The following FDFT1 variants were observed in gnomAD, a reference collection of about 807,000 sequenced individuals.
The protein encoded by FDFT1 is squalene synthase.
A neutral mutation model predicts 46.8 loss-of-function variants in FDFT1; 68 were observed. The observed-to-expected ratio is 1.45, with a 90% CI of 1.19 to 1.78. The LOEUF (loss-of-function observed/expected upper bound fraction) is 1.78, where lower values mean the gene tolerates loss of function less well. Ranked by LOEUF, FDFT1 falls within the 40% of genes most tolerant of loss-of-function variation. The probability of loss-of-function intolerance (pLI) is 0.00; values close to 1 mark genes in which losing one functional copy is unlikely to be tolerated. For synonymous variants in FDFT1, 351 were observed against 185.1 expected, an observed-to-expected ratio of 1.90 and a Z score of -7.28; for missense variants, 928 against 524.4, an observed-to-expected ratio of 1.77 and a Z score of -7.52.
intron 4 of FDFT1, among the ~76,000 whole-genome samples, chr8:11,824,807 CTCCCTG>C (rs1809740462): frequency 6.6e-6 from 1 of 152,084 alleles, no homozygotes. Context: ...GCGATCTCGG[CTCCCTG>C]CAAGCTCCAC....
chr8:11,813,399 C>T (rs1808004505), intron 3 of FDFT1, among the ~76,000 whole-genome samples: 1 of 152,118 alleles, frequency 6.6e-6, no homozygotes, highest in Non-Finnish European at 1.5e-5. Context: ...CGTTAATTTA[C>T]TCTTTGTGTT....
intron 6 of FDFT1, among the ~76,000 whole-genome samples, chr8:11,830,891 T>C (rs1320438103): frequency 1.3e-5 from 2 of 152,260 alleles, no homozygotes; most frequent in Admixed American, 6.5e-5. Context: ...CTTTACCAAG[T>C]ATTGCAGATA....
Position 11,809,107 on chromosome 8 carries a change from A to AGGGGGGAG in FDFT1, c.197+221_197+228dup, listed in dbSNP as rs1807344696. 10 of 1,263,624 alleles carry AGGGGGGAG rather than the reference A, an allele frequency of 7.9e-6. No individual in the cohort carries two copies. In the South Asian group the frequency reaches 2.2e-4, roughly 27 times the overall value. The allele number at this position is 1,263,624 out of a possible 1,614,324, so 78.3% of individuals were successfully genotyped here. ...CTGCGGGCCCAGCCTTTCAGAGAAG[A>AGGGGGGAG]GGGGGGAGGGGGTGATGTTTATTAA... On this transcript the variant is annotated intron_variant, in intron 2 of 7. Coordinates refer to ENST00000220584, the MANE Select transcript of FDFT1 (RefSeq NM_004462.5).
intron 5 of FDFT1, among the ~76,000 whole-genome samples, chr8:11,827,944 A>G (rs1736065): frequency 0.19 from 29,202 of 151,834 alleles, 3,270 homozygotes; most frequent in Middle Eastern, 0.27. Context: ...ACTCCTGCCT[A>G]TAATCCCAGC....
intron 2 of FDFT1, 180 bp from the exon 3 acceptor site, chr8:11,809,487 T>C (rs1807397283): frequency 7.5e-7 from 1 of 1,331,004 alleles, no homozygotes; most frequent in East Asian, 2.8e-5. Context: ...TTCATTACTC[T>C]CATGTAAGGA....
intron 7 of FDFT1, among the ~76,000 whole-genome samples, chr8:11,836,668 A>C (rs2130911724): frequency 6.6e-6 from 1 of 152,266 alleles, no homozygotes; most frequent in East Asian, 1.9e-4. Flanking sequence ...CAGTAAAGCA[A>C]CATGGGCAGG....
intron 3 of FDFT1, among the ~76,000 whole-genome samples, chr8:11,819,630 T>A (rs892346709): frequency 1.3e-5 from 2 of 152,068 alleles, no homozygotes; most frequent in Admixed American, 6.5e-5. Context: ...TTCTGCTTGA[T>A]CGAATCGGCT....
intron 3 of FDFT1, among the ~76,000 whole-genome samples, chr8:11,816,502 A>G (rs191721445): frequency 0.01 from 1,590 of 152,328 alleles, 6 homozygotes; most frequent in Non-Finnish European, 0.017. Flanking sequence ...ATCCATGAGC[A>G]TGGAATGTTC....
intron 4 of FDFT1, among the ~76,000 whole-genome samples, chr8:11,825,671 T>G (rs1164875474): frequency 6.9e-6 from 1 of 144,912 alleles, no homozygotes; most frequent in Admixed American, 7.1e-5. Flanking sequence ...TGGGCAAATA[T>G]ATGAGACTCC....
chr8:11,809,871 T>C (rs544483609), intron 3 of FDFT1, 21 bp downstream of exon 3: 9 of 1,592,172 alleles, frequency 5.7e-6, no homozygotes, highest in Non-Finnish European at 7.7e-6. Flanking sequence ...TTACGCATCT[T>C]GTCTACGGAC....
At chr8:11,817,712 T>A (rs566230926) in intron 3 of FDFT1, among the ~76,000 whole-genome samples, 29 of 152,354 alleles carry the variant, frequency 1.9e-4, no homozygotes, top group African/African-American at 6.5e-4. Context: ...GGTGGTGATA[T>A]CCCCTTTATC....
At chr8:11,803,237 C>A in intron 1 of FDFT1, 3 of 1,380,006 alleles carry the variant, frequency 2.2e-6, no homozygotes, top group Non-Finnish European at 2.9e-6. Flanking sequence ...TATTTTAACC[C>A]GAGGGTTACA....
Position 11,824,691 on chromosome 8 carries a change from A to C in FDFT1, c.511-1333A>C, listed in dbSNP as rs182758059. ...TGAAATGGAGATCATACTGCTATGT[A>C]CCTGATACAATGTTTGTGAGGATTG... On this transcript the variant is annotated intron_variant, in intron 4 of 7. Coordinates refer to ENST00000220584, the MANE Select transcript of FDFT1 (RefSeq NM_004462.5). Among the ~76,000 whole-genome samples, 734 of 152,170 alleles carry C rather than the reference A, an allele frequency of 4.8e-3. 7 individuals are homozygous for C. The highest frequency in any genetic ancestry group is 8.0e-3 in the Admixed American group (123 of 15,280).
At chr8:11,838,350 C>G (rs371833870) in intron 7 of FDFT1, 38 bp from the exon 8 acceptor site, 21 of 1,487,824 alleles carry the variant, frequency 1.4e-5, no homozygotes, top group Non-Finnish European at 2.0e-5. Context: ...AAATGTAAAG[C>G]ACATAGCACT....
rs759096566 is a variant in FDFT1, at chr8:11,821,784, A to AC, written c.418dup (p.Gln140ProfsTer21). 1 of 1,613,502 alleles carries AC rather than the reference A, an allele frequency of 6.2e-7. No homozygotes were observed. Among genetic ancestry groups the AC allele is most frequent in the Non-Finnish European group, 8.5e-7 (1 of 1,179,638 alleles). ...GAGTTTAGAAATCTGGCTGAGAAAT[A>AC]CCAAACAGTGATTGCCGACATTTGC... On this transcript the variant is annotated frameshift_variant, in exon 4 of 8. Coordinates refer to ENST00000220584, the MANE Select transcript of FDFT1 (RefSeq NM_004462.5). LOFTEE classifies it high-confidence loss of function.
chr8:11,817,265 A>T (rs1444036544), intron 3 of FDFT1, among the ~76,000 whole-genome samples: 2 of 152,152 alleles, frequency 1.3e-5, no homozygotes, highest in African/African-American at 4.8e-5. Flanking sequence ...GCTGGATTCA[A>T]TTTGCCATTA....
At chr8:11,803,560 C>G in intron 1 of FDFT1, 2 of 1,026,408 alleles carry the variant, frequency 1.9e-6, no homozygotes, top group Non-Finnish European at 1.3e-6. Context: ...TGCCTCATGC[C>G]TGTACTATTT....
intron 2 of FDFT1, chr8:11,809,299 A>G: frequency 5.5e-6 from 6 of 1,093,060 alleles, no homozygotes; most frequent in Non-Finnish European, 6.7e-6. Context: ...TTTATGTATG[A>G]TCGTATTTAT....
At chr8:11,823,584 T>C (rs184318839) in intron 4 of FDFT1, among the ~76,000 whole-genome samples, 1 of 152,014 alleles carries the variant, frequency 6.6e-6, no homozygotes, top group Admixed American at 6.6e-5. Context: ...GAGACGACTT[T>C]TTTTTTTTGA....
Sources: allele counts gnomAD v4.1 joint callset (sites outside exome capture counted in the v4.1 genomes callset), GRCh38; gene constraint gnomAD v4.1.1; transcripts MANE v1.5; gene names NCBI Gene and HGNC (gene_info 2026-07-23, HGNC 2026-07-21).